LCORL: variants seen among roughly 807,000 people sequenced by gnomAD.
LCORL encodes the protein ligand-dependent nuclear receptor corepressor-like protein.
Under a neutral mutation model 141.8 loss-of-function variants are expected in LCORL, and 41 were observed. That is an observed-to-expected ratio of 0.29 (90% CI 0.23 to 0.38). The LOEUF (loss-of-function observed/expected upper bound fraction) is 0.38. LCORL is among the 10% of genes least tolerant of loss of function. The pLI is 1.00. For synonymous variants in LCORL, 618 were observed against 694.1 expected, an observed-to-expected ratio of 0.89 and a Z score of 1.72; for missense variants, 1,759 against 2,035.0, an observed-to-expected ratio of 0.86 and a Z score of 2.61.
At chr4:17,846,147 T>A (rs1722904898) in intron 7 of LCORL, among the ~76,000 whole-genome samples, 1 of 152,150 alleles carries the variant, frequency 6.6e-6, no homozygotes, top group Non-Finnish European at 1.5e-5. Context: ...ATTGCATATA[T>A]GGATTACATC....
chr4:17,944,149 C>G (rs1577497736), intron 4 of LCORL, among the ~76,000 whole-genome samples: 1 of 152,126 alleles, frequency 6.6e-6, no homozygotes, highest in Admixed American at 6.5e-5. Flanking sequence ...AAGTCTGATT[C>G]CCTTGTGACT....
intron 1 of LCORL, among the ~76,000 whole-genome samples, chr4:17,978,632 T>A (rs1272079675): frequency 1.3e-5 from 2 of 152,018 alleles, no homozygotes; most frequent in African/African-American, 2.4e-5. Flanking sequence ...GCTTTCACTT[T>A]GGGTGGTGGG....
In LCORL at chr4:17,876,005, A is replaced by C. The variant is rs1726881759; in HGVS notation, c.2985T>G (p.Pro995=). The change falls in exon 7 of 8, where the codon CCT becomes CCG. Residue 995 remains proline, a synonymous_variant. Transcript: ENST00000635767. ...TTTCTTCAGTTACGTGATGGGTTGTAGGTTTTTCAGAAGGGAGAACAACAT... is the reference window on the plus strand; with the variant it reads ...TTTCTTCAGTTACGTGATGGGTTGTCGGTTTTTCAGAAGGGAGAACAACAT... 3 of 1,231,118 alleles carry C rather than the reference A, an allele frequency of 2.4e-6. No individual in the cohort carries two copies. The South Asian group carries it at 1.2e-4, about 51-fold the overall frequency. 76.3% of individuals were successfully genotyped at this position (1,231,118 alleles called of 1,614,324 possible). A position where few individuals can be genotyped will look rare whatever the true frequency, so the allele number is the denominator to read the frequency against.
At chr4:17,883,659 TACACACACACGCAAACACACACACACAC>T in intron 6 of LCORL, 1 of 1,433,850 alleles carries the variant, frequency 7.0e-7, no homozygotes, top group Non-Finnish European at 9.1e-7. Flanking sequence ...CCTGTGCACA[TACACACACACGCAAACACACACACACAC>T]ACACACTCAC....
intron 1 of LCORL, among the ~76,000 whole-genome samples, chr4:17,975,550 T>C (rs1037426728): frequency 6.6e-6 from 1 of 151,956 alleles, no homozygotes; most frequent in South Asian, 2.1e-4. Flanking sequence ...GCACATGCCA[T>C]CACGCCCGGC....
chr4:17,947,057 C>T (rs747356231), intron 4 of LCORL, among the ~76,000 whole-genome samples: 9 of 152,020 alleles, frequency 5.9e-5, no homozygotes, highest in Admixed American at 1.3e-4. Context: ...AATGTCTACA[C>T]TCCCATGTTC....
chr4:17,912,551 T>C, intron 4 of LCORL: 3 of 460,902 alleles, frequency 6.5e-6, no homozygotes, highest in South Asian at 1.7e-5. Context: ...CACCACACAG[T>C]CTGCCGGAAT....
chr4:17,856,524 T>C (rs1724385586), intron 7 of LCORL, among the ~76,000 whole-genome samples: 1 of 152,194 alleles, frequency 6.6e-6, no homozygotes, highest in South Asian at 2.1e-4. Context: ...TTTTCTGTGG[T>C]TTAAGCCATG....
Position 17,884,115 on chromosome 4 carries a change from G to A in LCORL, c.776+1953C>T. 6.4e-7 allele frequency: 1 copy of A among 1,550,776 alleles called. No homozygotes were observed. The highest frequency in any genetic ancestry group is 8.7e-7 in the Non-Finnish European group (1 of 1,146,374). On this transcript the variant is annotated intron_variant, in intron 6 of 7. Transcript: ENST00000635767. The surrounding 1 kb of genome is among the most constrained non-coding windows in gnomAD (Gnocchi z 4.4). ...AGAAAGTAAGAGTCAACACTTGAGT[G>A]AGTTACAGGCCCAGAACATTCTATT...
At chr4:17,877,875 G>A in exon 7 of LCORL, 1 of 1,230,698 alleles carries the variant, frequency 8.1e-7, no homozygotes, top group Non-Finnish European at 1.0e-6. Context: ...AGTTTGGCAA[G>A]ATAAACAATG....
intron 6 of LCORL, chr4:17,881,996 A>G: frequency 3.1e-6 from 3 of 954,316 alleles, no homozygotes; most frequent in Non-Finnish European, 3.7e-6. Context: ...AAAAAAAAAG[A>G]GGATTCATAC....
At position 17,878,866 on chromosome 4, in the gene LCORL, T is replaced by C. The variant is rs376770945; in HGVS notation, c.777-653A>G. On this transcript the variant is annotated intron_variant, in intron 6 of 7. Transcript: ENST00000635767. ...TACCTAATTATTAAGTTTCAAATGC[T>C]GGAAAATGGCCCACTACAGAAACTA... 1.8e-4 allele frequency among the ~76,000 whole-genome samples: 27 copies of C among 151,444 alleles called. No homozygotes were observed. The South Asian group carries it at 3.9e-3, about 22-fold the overall frequency.
At position 17,962,994 on chromosome 4, in the gene LCORL, A is replaced by G. The variant is rs768119493; in HGVS notation, c.276T>C (p.Cys92=). The change falls in exon 3 of 8, where the codon TGT becomes TGC. Residue 92 remains cysteine (C), a synonymous_variant. Coordinates refer to ENST00000635767, the Ensembl canonical transcript of LCORL. Reference sequence around the variant, plus strand: ...CACTGACTGCTTCTCTCTGTAGGTTACAAAATGAACATTTTTCATCCATAG... The same window carrying G: ...CACTGACTGCTTCTCTCTGTAGGTTGCAAAATGAACATTTTTCATCCATAG... 12 of 1,597,284 alleles carry G rather than the reference A, an allele frequency of 7.5e-6. No individual in the cohort carries two copies. In the South Asian group the frequency reaches 1.1e-4, roughly 15 times the overall value.
intron 1 of LCORL, among the ~76,000 whole-genome samples, chr4:17,981,871 T>A (rs191722054): frequency 2.6e-5 from 4 of 152,262 alleles, no homozygotes; most frequent in Admixed American, 2.6e-4. Context: ...ACCCAATAGT[T>A]ATTTTTTCTG....
intron 4 of LCORL, among the ~76,000 whole-genome samples, chr4:17,958,387 A>T (rs1713104020): frequency 1.3e-5 from 2 of 151,954 alleles, no homozygotes; most frequent in Non-Finnish European, 2.9e-5. Context: ...TTATCTGTTC[A>T]ATTTAGTCCA....
At chr4:17,862,320 T>C (rs924557291) in intron 7 of LCORL, among the ~76,000 whole-genome samples, 15 of 152,100 alleles carry the variant, frequency 9.9e-5, no homozygotes, top group African/African-American at 3.4e-4. Flanking sequence ...CAGGAAAACT[T>C]CCCCTTATAA....
intron 1 of LCORL, among the ~76,000 whole-genome samples, chr4:18,001,421 C>T (rs1291155547): frequency 6.6e-6 from 1 of 152,120 alleles, no homozygotes; most frequent in Non-Finnish European, 1.5e-5. Flanking sequence ...AGCAGGTAGG[C>T]TATGCTGAGC....
chr4:17,884,396 G>A lies in LCORL; in HGVS notation c.776+1672C>T, dbSNP rs1249405555. On this transcript the variant is annotated intron_variant, in intron 6 of 7. Transcript: ENST00000635767. This position sits in a 1 kb window ranked among gnomAD's most constrained non-coding sequence, Gnocchi z 4.4. Reference sequence around the variant, plus strand: ...AGTTAGCTGATGGAGGTAAGTGGAAGCTGTTGGGAATTTTATTTCTGAGGT... The same window carrying A: ...AGTTAGCTGATGGAGGTAAGTGGAAACTGTTGGGAATTTTATTTCTGAGGT... The A allele has an allele frequency of 6.5e-7, 1 of 1,549,008 alleles. No homozygotes were observed. Among genetic ancestry groups the A allele is most frequent in the Non-Finnish European group, 8.7e-7 (1 of 1,145,916 alleles).
chr4:17,961,479 T>G (rs2109598524), intron 4 of LCORL, among the ~76,000 whole-genome samples: 1 of 152,148 alleles, frequency 6.6e-6, no homozygotes, highest in East Asian at 1.9e-4. Context: ...GCAAATATAC[T>G]CCAACCAAGC....
Sources: gnomAD v4.1 joint callset for allele counts (sites outside exome capture counted in the v4.1 genomes callset) on GRCh38, gnomAD v4.1.1 for gene constraint, Gnocchi (gnomAD v3.1) non-coding constraint, MANE v1.5 for transcripts, NCBI Gene and HGNC (gene_info 2026-07-23, HGNC 2026-07-21) for gene names.